The following CCSER2 variants were observed in gnomAD, a reference collection of about 807,000 sequenced individuals.
CCSER2 encodes the protein coiled-coil serine rich protein 2, also known as serine-rich coiled-coil domain-containing protein 2.
CCSER2 carries 46 observed loss-of-function variants against 92.3 expected under a neutral mutation model. The observed-to-expected ratio is 0.50, with a 90% confidence interval of 0.39 to 0.64. The LOEUF is 0.64. CCSER2 is among the 30% of genes least tolerant of loss of function. The pLI is 0.00. For missense variants in CCSER2, 1,244 were observed against 1,238.9 expected (o/e 1.00, Z -0.06); for synonymous variants, 433 against 431.4 (o/e 1.00, Z -0.04).
At chr10:84,348,605 G>A (rs1844685299) in intron 1 of CCSER2, among the ~76,000 whole-genome samples, 1 of 152,112 alleles carries the variant, frequency 6.6e-6, no homozygotes, top group African/African-American at 2.4e-5. Flanking sequence ...CTCCCTGATG[G>A]GGCCACTACT....
intron 3 of CCSER2, chr10:84,374,050 A>T: frequency 3.3e-6 from 3 of 914,090 alleles, no homozygotes; most frequent in Non-Finnish European, 4.8e-6. Flanking sequence ...TTCCTCATAC[A>T]TATGTGCATA....
In CCSER2 at chr10:84,404,673, A is replaced by C. The variant is rs532425365; in HGVS notation, c.1615-13098A>C. Among the ~76,000 whole-genome samples the C allele has an allele frequency of 2.0e-5, 3 of 152,342 alleles. No individual in the cohort carries two copies. In the South Asian group the frequency reaches 6.2e-4, roughly 32 times the overall value. On this transcript the variant is annotated intron_variant, in intron 3 of 9. Coordinates refer to ENST00000372088, the MANE Select transcript of CCSER2 (RefSeq NM_001284240.2). Reference sequence around the variant, plus strand: ...ATTTTTAAAAGTTTGACTTAAAAAAAACAAGATTCCTATAACTAATAAGTG... The same window carrying C: ...ATTTTTAAAAGTTTGACTTAAAAAACACAAGATTCCTATAACTAATAAGTG...
chr10:84,387,896 G>C (rs1357219867), intron 3 of CCSER2, among the ~76,000 whole-genome samples: 1 of 151,730 alleles, frequency 6.6e-6, no homozygotes, highest in Non-Finnish European at 1.5e-5. Flanking sequence ...ACGGAGTCTT[G>C]CTCTTCACCC....
At chr10:84,475,897 A>G (rs111505701) in intron 8 of CCSER2, among the ~76,000 whole-genome samples, 37 of 149,444 alleles carry the variant, frequency 2.5e-4, no homozygotes, top group African/African-American at 6.8e-4. Flanking sequence ...CGGTGGTGCA[A>G]TCTCAGCACA....
At chr10:84,441,083 T>C (rs775857336) in intron 6 of CCSER2, among the ~76,000 whole-genome samples, 2 of 152,256 alleles carry the variant, frequency 1.3e-5, no homozygotes, top group Non-Finnish European at 2.9e-5. Flanking sequence ...GAGATTAATG[T>C]AGTGTGAAAT....
chr10:84,357,491 C>A (rs1367787208), intron 1 of CCSER2, among the ~76,000 whole-genome samples: 1 of 151,310 alleles, frequency 6.6e-6, no homozygotes, highest in Non-Finnish European at 1.5e-5. Flanking sequence ...TCTCTGTCAC[C>A]CTGGCTGGAA....
chr10:84,450,459 A>G (rs1467405581), intron 6 of CCSER2, among the ~76,000 whole-genome samples: 2 of 152,204 alleles, frequency 1.3e-5, no homozygotes, highest in Non-Finnish European at 1.5e-5. Flanking sequence ...ATTCATGTAT[A>G]TATGTACTTG....
intron 5 of CCSER2, among the ~76,000 whole-genome samples, chr10:84,428,975 G>A (rs1055889366): frequency 6.7e-5 from 6 of 89,834 alleles, no homozygotes; most frequent in Non-Finnish European, 1.4e-4. Flanking sequence ...TTTTTTTTGT[G>A]TGTGTATGTG....
At chr10:84,434,890 A>G (rs1162876845) in intron 5 of CCSER2, among the ~76,000 whole-genome samples, 2 of 152,186 alleles carry the variant, frequency 1.3e-5, no homozygotes, top group African/African-American at 2.4e-5. Context: ...CAGATCATCT[A>G]TGCAGATAAT....
At chr10:84,449,585 G>A (rs558958717) in intron 6 of CCSER2, among the ~76,000 whole-genome samples, 5 of 152,196 alleles carry the variant, frequency 3.3e-5, no homozygotes, top group Admixed American at 6.5e-5. Flanking sequence ...GGGGGCGGTG[G>A]CTCATGCCTG....
chr10:84,397,231 C>T (rs974212167), intron 3 of CCSER2, among the ~76,000 whole-genome samples: 3 of 152,192 alleles, frequency 2.0e-5, no homozygotes, highest in African/African-American at 7.2e-5. Context: ...TTACCATAAT[C>T]TACTCATAAA....
At chr10:84,433,024 T>C (rs1843876092) in intron 5 of CCSER2, among the ~76,000 whole-genome samples, 1 of 152,228 alleles carries the variant, frequency 6.6e-6, no homozygotes, top group Non-Finnish European at 1.5e-5. Flanking sequence ...TGACTGTGTA[T>C]ATGTGGGTCT....
At chr10:84,362,052 A>G (rs11595279) in intron 1 of CCSER2, among the ~76,000 whole-genome samples, 31,927 of 152,124 alleles carry the variant, frequency 0.21, 3,602 homozygotes, top group Admixed American at 0.34. Context: ...GGGCTTGAGT[A>G]GTGTATTCTG....
intron 1 of CCSER2, among the ~76,000 whole-genome samples, chr10:84,366,338 G>A (rs1394349341): frequency 6.6e-6 from 1 of 152,066 alleles, no homozygotes; most frequent in Non-Finnish European, 1.5e-5. Flanking sequence ...CCTTACTGTT[G>A]AATTAATTTA....
At position 84,338,241 on chromosome 10, in the gene CCSER2, G is replaced by A. The variant is rs564103219; in HGVS notation, c.-40+9433G>A. Among the ~76,000 whole-genome samples the A allele has an allele frequency of 6.7e-5, 10 of 150,342 alleles. No individual in the cohort carries two copies. The South Asian group carries it at 1.9e-3, about 29-fold the overall frequency. Reference sequence around the variant, plus strand: ...AGAGGTTGCAGTGAGCCGAGATCACGTCATTGCACTCCAGCCTGGGCAACA... The same window carrying A: ...AGAGGTTGCAGTGAGCCGAGATCACATCATTGCACTCCAGCCTGGGCAACA... On this transcript the variant is annotated intron_variant, in intron 1 of 9. Coordinates refer to ENST00000372088, the MANE Select transcript of CCSER2 (RefSeq NM_001284240.2).
chr10:84,374,009 C>A, intron 3 of CCSER2, 194 bp downstream of exon 3: 1 of 1,180,776 alleles, frequency 8.5e-7, no homozygotes, highest in Non-Finnish European at 1.2e-6. Context: ...TGACATTTGA[C>A]TTAAATATAC....
intron 3 of CCSER2, among the ~76,000 whole-genome samples, chr10:84,374,541 C>T (rs1376712335): frequency 1.3e-5 from 2 of 152,152 alleles, no homozygotes; most frequent in East Asian, 1.9e-4. Context: ...TTGGCACTTC[C>T]GTTCATGATC....
At chr10:84,488,479 G>A (rs1242456722) in intron 9 of CCSER2, among the ~76,000 whole-genome samples, 1 of 152,184 alleles carries the variant, frequency 6.6e-6, no homozygotes, top group Non-Finnish European at 1.5e-5. Context: ...GAGGGTATAT[G>A]TGTCGAGGAA....
At chr10:84,436,496 G>A (rs1589659873) in intron 5 of CCSER2, among the ~76,000 whole-genome samples, 1 of 150,172 alleles carries the variant, frequency 6.7e-6, no homozygotes, top group South Asian at 2.1e-4. Flanking sequence ...TTAGCCCGGC[G>A]TGCTGGCGGG....
Sources: gnomAD v4.1 joint callset for allele counts (sites outside exome capture counted in the v4.1 genomes callset) on GRCh38, gnomAD v4.1.1 for gene constraint, MANE v1.5 for transcripts, NCBI Gene and HGNC (gene_info 2026-07-23, HGNC 2026-07-21) for gene names.